ULK4: variants seen among roughly 807,000 people sequenced by gnomAD.
ULK4 encodes the protein inactive serine/threonine-protein kinase ULK4.
Under a neutral mutation model 160.6 loss-of-function variants are expected in ULK4, and 133 were observed. The observed-to-expected ratio is 0.83, with a 90% CI of 0.72 to 0.96. The LOEUF (loss-of-function observed/expected upper bound fraction) is 0.96. Ranked by LOEUF, ULK4 falls within the 40% of genes least tolerant of loss-of-function variation. The pLI, the probability that ULK4 is intolerant of heterozygous loss-of-function variation, is 0.00. For missense variants in ULK4, 1,580 were observed against 1,499.5 expected, an observed-to-expected ratio of 1.05 and a Z score of -0.89; for synonymous variants, 534 against 539.8, an observed-to-expected ratio of 0.99 and a Z score of 0.15.
intron 19 of ULK4, among the ~76,000 whole-genome samples, chr3:41,812,994 T>C (rs2040861970): frequency 6.6e-6 from 1 of 152,234 alleles, no homozygotes; most frequent in African/African-American, 2.4e-5. Flanking sequence ...AAAAGATTAA[T>C]TTATACATTT....
intron 27 of ULK4, among the ~76,000 whole-genome samples, chr3:41,683,266 T>A (rs1350295039): frequency 6.6e-6 from 1 of 151,922 alleles, no homozygotes; most frequent in Non-Finnish European, 1.5e-5. Flanking sequence ...AGTTGTGGAG[T>A]GTACCACCTC....
At chr3:41,700,822 T>A (rs1021658023) in intron 27 of ULK4, among the ~76,000 whole-genome samples, 2 of 151,954 alleles carry the variant, frequency 1.3e-5, no homozygotes, top group African/African-American at 4.8e-5. Context: ...CAAACATGAA[T>A]AAATAAGTCA....
chr3:41,602,316 G>T (rs1194638176), intron 31 of ULK4, among the ~76,000 whole-genome samples: 2 of 137,576 alleles, frequency 1.5e-5, no homozygotes, highest in African/African-American at 5.5e-5. Context: ...GAAAGGAAAG[G>T]AAAGGAGGAA....
intron 31 of ULK4, among the ~76,000 whole-genome samples, chr3:41,568,645 A>G (rs1179584158): frequency 2.0e-5 from 3 of 152,230 alleles, no homozygotes; most frequent in Non-Finnish European, 2.9e-5. Context: ...AAACACACAT[A>G]AACTCTTAAG....
chr3:41,279,663 T>C (rs1390141699), intron 35 of ULK4, among the ~76,000 whole-genome samples: 1 of 152,214 alleles, frequency 6.6e-6, no homozygotes, highest in African/African-American at 2.4e-5. Flanking sequence ...TTCAACATTC[T>C]TAAAGAAAAG....
At chr3:41,652,391 T>C (rs1375490690) in intron 30 of ULK4, among the ~76,000 whole-genome samples, 1 of 152,182 alleles carries the variant, frequency 6.6e-6, no homozygotes, top group Non-Finnish European at 1.5e-5. Flanking sequence ...CTGGAGTGGA[T>C]GGAGATAATT....
intron 35 of ULK4, among the ~76,000 whole-genome samples, chr3:41,343,300 T>TC (rs1396223791): frequency 8.5e-6 from 1 of 117,640 alleles, no homozygotes; most frequent in Non-Finnish European, 1.7e-5. Context: ...AAAAACTTTT[T>TC]TTTTTTTTTT....
chr3:41,676,908 CTTTTT>C (rs11304353), intron 29 of ULK4, among the ~76,000 whole-genome samples: 2 of 91,266 alleles, frequency 2.2e-5, no homozygotes, highest in East Asian at 3.9e-4. Context: ...CACCCCCAAC[CTTTTT>C]TTTTTTTTTT....
intron 18 of ULK4, among the ~76,000 whole-genome samples, chr3:41,826,906 G>A (rs903086674): frequency 3.5e-5 from 5 of 142,104 alleles, no homozygotes; most frequent in Admixed American, 1.4e-4. Flanking sequence ...CACATAGTTG[G>A]AAGTAAAGCT....
At chr3:41,888,825 T>C (rs1195229320) in intron 16 of ULK4, among the ~76,000 whole-genome samples, 3 of 152,130 alleles carry the variant, frequency 2.0e-5, no homozygotes, top group Non-Finnish European at 4.4e-5. Context: ...ACCCTGGCAA[T>C]TGCAGAGGCC....
chr3:41,503,559 A>G (rs1045474888), intron 32 of ULK4, among the ~76,000 whole-genome samples: 1 of 152,232 alleles, frequency 6.6e-6, no homozygotes, highest in South Asian at 2.1e-4. Flanking sequence ...AAGAAGACAT[A>G]GATTTCCATC....
intron 35 of ULK4, among the ~76,000 whole-genome samples, chr3:41,312,682 C>T (rs1575422621): frequency 6.6e-6 from 1 of 151,938 alleles, no homozygotes; most frequent in African/African-American, 2.4e-5. Flanking sequence ...CATTAGCACA[C>T]CTGTAGTCCC....
chr3:41,297,878 CT>C (rs777090538), intron 35 of ULK4, among the ~76,000 whole-genome samples: 14 of 152,208 alleles, frequency 9.2e-5, no homozygotes, highest in Non-Finnish European at 1.9e-4. Context: ...CATCAGCCCA[CT>C]GTATCCAAGG....
chr3:41,504,580 T>G (rs770046517), intron 32 of ULK4, among the ~76,000 whole-genome samples: 1 of 152,132 alleles, frequency 6.6e-6, no homozygotes, highest in Non-Finnish European at 1.5e-5. Flanking sequence ...AAAATCATTA[T>G]TAAATTCCAA....
In ULK4 at chr3:41,681,572, C is replaced by G. The variant is rs757233273; in HGVS notation, c.2914G>C (p.Glu972Gln). Residue 972 changes from glutamate (E) to glutamine (Q), a missense_variant, in exon 29 of 37, where the codon GAG becomes CAG. Transcript: ENST00000301831. ...LVNQEFGDGK[E>Q]KASVDSDSNL... ...CTGTCAGAATCAACACTGGCCTTCTCCTTGCCATCCCCAAACTCCTGGTTC... is the reference window on the plus strand; with the variant it reads ...CTGTCAGAATCAACACTGGCCTTCTGCTTGCCATCCCCAAACTCCTGGTTC... 1 of 1,613,976 alleles carries G rather than the reference C, an allele frequency of 6.2e-7. No homozygotes were observed. The highest frequency in any genetic ancestry group is 8.5e-7 in the Non-Finnish European group (1 of 1,179,982).
intron 35 of ULK4, among the ~76,000 whole-genome samples, chr3:41,379,184 T>C (rs1035854727): frequency 6.7e-6 from 1 of 149,696 alleles, no homozygotes; most frequent in African/African-American, 2.5e-5. Flanking sequence ...TGTACATGTA[T>C]CCCAGAACTT....
At chr3:41,279,271 AAAAAC>A (rs1479245635) in intron 35 of ULK4, among the ~76,000 whole-genome samples, 4 of 145,808 alleles carry the variant, frequency 2.7e-5, no homozygotes, top group African/African-American at 1.1e-4. Context: ...AAAAAAAAAA[AAAAAC>A]AAAACGACAA....
At chr3:41,518,525 A>C (rs2085824403) in intron 32 of ULK4, among the ~76,000 whole-genome samples, 1 of 152,234 alleles carries the variant, frequency 6.6e-6, no homozygotes, top group Non-Finnish European at 1.5e-5. Flanking sequence ...TCTGTAAATG[A>C]GTTATTAAAT....
intron 30 of ULK4, among the ~76,000 whole-genome samples, chr3:41,663,343 T>C (rs1235668752): frequency 2.6e-5 from 4 of 152,210 alleles, no homozygotes; most frequent in African/African-American, 9.6e-5. Context: ...AGTACATATA[T>C]TGTTTCATCT....
Sources: gnomAD v4.1 joint callset for allele counts (sites outside exome capture counted in the v4.1 genomes callset) on GRCh38, gnomAD v4.1.1 for gene constraint, MANE v1.5 for transcripts, NCBI Gene and HGNC (gene_info 2026-07-23, HGNC 2026-07-21) for gene names.